The following PALLD variants were observed in gnomAD, a reference collection of about 807,000 sequenced individuals.
PALLD encodes palladin.
PALLD carries 61 observed loss-of-function variants against 123.5 expected under a neutral mutation model. That is an observed-to-expected ratio of 0.49 (90% CI 0.40 to 0.61). The LOEUF is 0.61. PALLD is among the 20% of genes least tolerant of loss of function. The pLI, the probability that PALLD is intolerant of heterozygous loss-of-function variation, is 0.00. For missense variants in PALLD, 1,273 were observed against 1,377.0 expected (o/e 0.92, Z 1.20); for synonymous variants, 465 against 496.4 (o/e 0.94, Z 0.84).
At chr4:168,675,102 C>T (rs1376528462) in intron 3 of PALLD, among the ~76,000 whole-genome samples, 2 of 152,168 alleles carry the variant, frequency 1.3e-5, no homozygotes, top group Non-Finnish European at 2.9e-5. Flanking sequence ...CCCACCACTG[C>T]CTCCCCCTGT....
chr4:168,545,129 A>C (rs76191684), intron 2 of PALLD, among the ~76,000 whole-genome samples: 1 of 152,074 alleles, frequency 6.6e-6, no homozygotes, highest in African/African-American at 2.4e-5. Flanking sequence ...TGAGCTTTTT[A>C]TTTTCATCCT....
At chr4:168,806,462 T>C (rs1740214255) in intron 10 of PALLD, among the ~76,000 whole-genome samples, 1 of 152,140 alleles carries the variant, frequency 6.6e-6, no homozygotes. Flanking sequence ...CCTTCACCCT[T>C]CCACCATGAC....
chr4:168,762,772 A>G (rs1048527419), intron 10 of PALLD, among the ~76,000 whole-genome samples: 4 of 152,194 alleles, frequency 2.6e-5, no homozygotes, highest in African/African-American at 9.7e-5. Context: ...CTTGGAACCA[A>G]CCCAAATGCC....
At chr4:168,805,187 A>T (rs1009423307) in intron 10 of PALLD, among the ~76,000 whole-genome samples, 2 of 151,938 alleles carry the variant, frequency 1.3e-5, no homozygotes, top group Admixed American at 6.6e-5. Context: ...AAGTGAGACC[A>T]TTACTCAAAA....
intron 2 of PALLD, among the ~76,000 whole-genome samples, chr4:168,515,967 A>T (rs952417288): frequency 6.6e-6 from 1 of 152,222 alleles, no homozygotes; most frequent in Non-Finnish European, 1.5e-5. Context: ...AACAGAAACA[A>T]CAGGGTAAAA....
chr4:168,740,072 A>G (rs1027460210), intron 10 of PALLD, among the ~76,000 whole-genome samples: 24 of 152,196 alleles, frequency 1.6e-4, no homozygotes, highest in Non-Finnish European at 2.4e-4. Flanking sequence ...ACTGGAAAAA[A>G]AATGACACAT....
chr4:168,565,709 C>G (rs775560518), intron 2 of PALLD, among the ~76,000 whole-genome samples: 12 of 152,108 alleles, frequency 7.9e-5, no homozygotes, highest in Non-Finnish European at 1.3e-4. Context: ...CATGGTATTA[C>G]TAGTTTATTA....
intron 2 of PALLD, among the ~76,000 whole-genome samples, chr4:168,573,457 C>G (rs1423452693): frequency 3.3e-5 from 5 of 152,072 alleles, no homozygotes; most frequent in African/African-American, 1.2e-4. Flanking sequence ...CCCCCAGTGT[C>G]CAAAACACCT....
intron 10 of PALLD, among the ~76,000 whole-genome samples, chr4:168,802,865 G>A (rs886837400): frequency 4.6e-5 from 7 of 152,056 alleles, no homozygotes; most frequent in Non-Finnish European, 1.0e-4. Context: ...TAATTTTATA[G>A]TAGAGTAGTA....
chr4:168,752,773 A>G (rs1731234200), intron 10 of PALLD, among the ~76,000 whole-genome samples: 2 of 152,118 alleles, frequency 1.3e-5, no homozygotes, highest in Admixed American at 1.3e-4. Flanking sequence ...GGTGACCCCC[A>G]TAACTTGAAG....
At chr4:168,741,827 A>T (rs945469419) in intron 10 of PALLD, among the ~76,000 whole-genome samples, 2 of 152,330 alleles carry the variant, frequency 1.3e-5, no homozygotes, top group East Asian at 3.9e-4. Context: ...CTCCTATTGG[A>T]CAAATCTTGG....
At chr4:168,793,217 A>G (rs28375196) in intron 10 of PALLD, among the ~76,000 whole-genome samples, 19,551 of 52,602 alleles carry the variant, frequency 0.37, 4,304 homozygotes, top group Non-Finnish European at 0.46. Flanking sequence ...ATACATATAT[A>G]TGTGTGCATA....
chr4:168,685,221 GC>G (rs1781916426), intron 5 of PALLD, among the ~76,000 whole-genome samples: 1 of 152,138 alleles, frequency 6.6e-6, no homozygotes, highest in Non-Finnish European at 1.5e-5. Flanking sequence ...TTTGGTAATA[GC>G]ATTTAAAAGC....
At position 168,761,645 on chromosome 4, in the gene PALLD, G is replaced by T. The variant is rs140647237; in HGVS notation, c.1964+49722G>T. ...CCAGCTATTTTTGTTGTTGTTGTTT[G>T]TTTTTTTTTTTTTTTTTTTTTTTTT... is the stretch of plus-strand genomic sequence containing the variant. On this transcript the variant is annotated intron_variant, in intron 10 of 21. Coordinates refer to ENST00000505667, the MANE Select transcript of PALLD (RefSeq NM_001166108.2). Among the ~76,000 whole-genome samples the T allele has an allele frequency of 4.7e-3, 413 of 87,850 alleles. 3 individuals carry two copies. Among genetic ancestry groups the T allele is most frequent in the Middle Eastern group, 0.024 (4 of 164 alleles). The allele number at this position is 87,850 out of a possible 152,430, so 57.6% of individuals were successfully genotyped here. A position where few individuals can be genotyped will look rare whatever the true frequency, so the allele number is the denominator to read the frequency against.
At chr4:168,822,640 G>A (rs868286026) in intron 10 of PALLD, among the ~76,000 whole-genome samples, 2 of 152,138 alleles carry the variant, frequency 1.3e-5, no homozygotes, top group Non-Finnish European at 2.9e-5. Flanking sequence ...TTTCACCAAC[G>A]CTCTAGTAAT....
chr4:168,901,978 T>C (rs1756623259), intron 14 of PALLD, among the ~76,000 whole-genome samples: 1 of 152,226 alleles, frequency 6.6e-6, no homozygotes. Context: ...GATTCTAGAG[T>C]TTAATACGTA....
chr4:168,666,630 A>T (rs1020521287), intron 2 of PALLD, among the ~76,000 whole-genome samples: 1 of 152,206 alleles, frequency 6.6e-6, no homozygotes, highest in Admixed American at 6.5e-5. Flanking sequence ...GATTAGTATA[A>T]GAAAACGATA....
chr4:168,742,619 A>G (rs966006136), intron 10 of PALLD, among the ~76,000 whole-genome samples: 5 of 152,218 alleles, frequency 3.3e-5, no homozygotes, highest in African/African-American at 9.7e-5. Flanking sequence ...AGTTATTAGA[A>G]CAGTGTTTCC....
At position 168,638,022 on chromosome 4, in the gene PALLD, T is replaced by A. The variant is rs189422301; in HGVS notation, c.909-30168T>A. ...TGAGCATGCTGTGTAACAGTTTACATCATTATTAAAAGGAGTCCAATTTCA... is the reference window on the plus strand; with the variant it reads ...TGAGCATGCTGTGTAACAGTTTACAACATTATTAAAAGGAGTCCAATTTCA... On this transcript the variant is annotated intron_variant, in intron 2 of 21. Transcript: ENST00000505667. Among the ~76,000 whole-genome samples, 54 of 149,816 alleles carry A rather than the reference T, an allele frequency of 3.6e-4. No individual in the cohort carries two copies. In the East Asian group the frequency reaches 0.01, roughly 29 times the overall value.
Sources: gnomAD v4.1 joint callset for allele counts (sites outside exome capture counted in the v4.1 genomes callset) on GRCh38, gnomAD v4.1.1 for gene constraint, MANE v1.5 for transcripts, NCBI Gene and HGNC (gene_info 2026-07-23, HGNC 2026-07-21) for gene names.